The following RAD51B variants were observed in gnomAD, a reference collection of about 807,000 sequenced individuals.
RAD51B encodes DNA repair protein RAD51 homolog 2.
A neutral mutation model predicts 42.2 loss-of-function variants in RAD51B; 38 were observed. That is an observed-to-expected ratio of 0.90 (90% CI 0.70 to 1.18). The LOEUF (loss-of-function observed/expected upper bound fraction) is 1.18. Ranked by LOEUF, RAD51B falls within the 50% of genes most tolerant of loss-of-function variation. RAD51B has a pLI of 0.00. For synonymous variants in RAD51B, 154 were observed against 145.2 expected (o/e 1.06, Z -0.43); for missense variants, 373 against 400.7 (o/e 0.93, Z 0.59).
At chr14:68,230,608 G>A (rs1002704509) in intron 7 of RAD51B, among the ~76,000 whole-genome samples, 2 of 152,114 alleles carry the variant, frequency 1.3e-5, no homozygotes, top group Admixed American at 6.5e-5. Flanking sequence ...ACATTCAAAG[G>A]CAACAGATGT....
intron 10 of RAD51B, among the ~76,000 whole-genome samples, chr14:68,507,306 A>G (rs541530237): frequency 6.6e-6 from 1 of 152,064 alleles, no homozygotes; most frequent in South Asian, 2.1e-4. Context: ...TGGGTTTGAA[A>G]CGCATCTGGC....
At chr14:68,326,751 T>C (rs534891735) in intron 8 of RAD51B, among the ~76,000 whole-genome samples, 79 of 152,340 alleles carry the variant, frequency 5.2e-4, no homozygotes, top group Middle Eastern at 6.8e-3. Context: ...TTACATATTG[T>C]GTCAGCCAGG....
chr14:68,457,307 A>G (rs2085721345), intron 9 of RAD51B, among the ~76,000 whole-genome samples: 1 of 152,190 alleles, frequency 6.6e-6, no homozygotes, highest in Non-Finnish European at 1.5e-5. Context: ...CCCCTAAATA[A>G]GCAATAGTTC....
intron 10 of RAD51B, among the ~76,000 whole-genome samples, chr14:68,586,055 C>T (rs1890453786): frequency 6.6e-6 from 1 of 151,624 alleles, no homozygotes; most frequent in South Asian, 2.1e-4. Context: ...AATCAGTCTT[C>T]CTGCAGCCCT....
At chr14:68,409,354 G>GT (rs1258739055) in intron 8 of RAD51B, among the ~76,000 whole-genome samples, 14 of 152,206 alleles carry the variant, frequency 9.2e-5, no homozygotes, top group Non-Finnish European at 2.1e-4. Flanking sequence ...ATATCTCTTA[G>GT]TGGGGGTGAA....
chr14:67,939,154 T>C (rs2045066454), intron 7 of RAD51B, among the ~76,000 whole-genome samples: 1 of 152,154 alleles, frequency 6.6e-6, no homozygotes, highest in Admixed American at 6.5e-5. Context: ...AAGACAGACA[T>C]ACAGGCAGAT....
intron 7 of RAD51B, among the ~76,000 whole-genome samples, chr14:68,179,519 A>G (rs1164304316): frequency 6.6e-6 from 1 of 152,194 alleles, no homozygotes; most frequent in African/African-American, 2.4e-5. Context: ...GTAGTGTAAC[A>G]TGACTTGTAC....
chr14:68,570,901 A>ACACATG (rs1555427621), intron 10 of RAD51B, among the ~76,000 whole-genome samples: 1,605 of 151,184 alleles, frequency 0.011, 11 homozygotes, highest in Non-Finnish European at 0.017. Context: ...ACACACATGC[A>ACACATG]CACACACACA....
At chr14:68,610,139 T>G (rs4902614) in intron 10 of RAD51B, among the ~76,000 whole-genome samples, 56 of 152,194 alleles carry the variant, frequency 3.7e-4, no homozygotes, top group African/African-American at 1.3e-3. Flanking sequence ...TGAACTGATC[T>G]TCTCCTCCCC....
intron 7 of RAD51B, among the ~76,000 whole-genome samples, chr14:68,272,522 T>C (rs890908680): frequency 6.7e-6 from 1 of 150,262 alleles, no homozygotes; most frequent in African/African-American, 2.5e-5. Flanking sequence ...GAAGATTAAA[T>C]GAGATACTAC....
intron 7 of RAD51B, among the ~76,000 whole-genome samples, chr14:68,118,101 A>G (rs1288352945): frequency 1.3e-5 from 2 of 152,212 alleles, no homozygotes; most frequent in African/African-American, 4.8e-5. Context: ...ATCAACAAGG[A>G]TATTTATTTC....
At chr14:68,192,033 A>AT (rs1247822692) in intron 7 of RAD51B, among the ~76,000 whole-genome samples, 1 of 152,192 alleles carries the variant, frequency 6.6e-6, no homozygotes, top group Non-Finnish European at 1.5e-5. Flanking sequence ...AAATTGCAAC[A>AT]TTACTGACTT....
intron 7 of RAD51B, among the ~76,000 whole-genome samples, chr14:68,189,496 A>G (rs2079221122): frequency 6.6e-6 from 1 of 152,206 alleles, no homozygotes; most frequent in Non-Finnish European, 1.5e-5. Context: ...ATCAGTGACT[A>G]AAAACAAATT....
intron 10 of RAD51B, among the ~76,000 whole-genome samples, chr14:68,544,857 C>T (rs561418376): frequency 1.9e-4 from 29 of 152,156 alleles, no homozygotes; most frequent in Admixed American, 5.9e-4. Flanking sequence ...ACCTATCCAC[C>T]TTCCTCCCAT....
intron 10 of RAD51B, among the ~76,000 whole-genome samples, chr14:68,503,417 T>A (rs1291878528): frequency 6.6e-6 from 1 of 151,856 alleles, no homozygotes. Flanking sequence ...GGAGGAGGCA[T>A]CTCCCTTCCC....
chr14:68,264,462 G>T (rs965018505), intron 7 of RAD51B, among the ~76,000 whole-genome samples: 11 of 152,340 alleles, frequency 7.2e-5, no homozygotes, highest in African/African-American at 2.2e-4. Flanking sequence ...GTTTTGAATG[G>T]CATGGGGTTT....
At position 68,223,259 on chromosome 14, in the gene RAD51B, G is replaced by A. The variant is rs77470962; in HGVS notation, c.757-68625G>A. The stretch of plus-strand genomic sequence containing the variant: ...TCTGGTTTAGGATCTCCTCCAAGAC[G>A]GTTTCTGTCTCATTACTTATTAGCC... On this transcript the variant is annotated intron_variant, in intron 7 of 10. Transcript: ENST00000471583. Among the ~76,000 whole-genome samples, 638 of 152,200 alleles carry A rather than the reference G, an allele frequency of 4.2e-3. 5 individuals carry two copies. The highest frequency in any genetic ancestry group is 0.014 in the African/African-American group (601 of 41,536).
intron 7 of RAD51B, among the ~76,000 whole-genome samples, chr14:68,035,801 G>A (rs1490360941): frequency 1.3e-5 from 2 of 152,090 alleles, no homozygotes; most frequent in Non-Finnish European, 2.9e-5. Flanking sequence ...TTAAATGTCA[G>A]AAGCCAGGCC....
Position 68,565,372 on chromosome 14 carries a change from C to CGAGGA in RAD51B, c.1037-29110_1037-29106dup, listed in dbSNP as rs1889371810. On this transcript the variant is annotated intron_variant, in intron 10 of 10. Coordinates refer to the RAD51B transcript ENST00000487270. The surrounding 1 kb of genome is among the most constrained non-coding windows in gnomAD (Gnocchi z 4.1). ...ACTTAGAGGTGTTTGTTCAATAATGCGAGGAGACTCATTACAACCCTGGGG... is the reference window on the plus strand; with the variant it reads ...ACTTAGAGGTGTTTGTTCAATAATGCGAGGAGAGGAGACTCATTACAACCCTGGGG... Among the ~76,000 whole-genome samples, 3 of 152,142 alleles carry CGAGGA rather than the reference C, an allele frequency of 2.0e-5. No individual in the cohort carries two copies. Among genetic ancestry groups the CGAGGA allele is most frequent in the Admixed American group, 1.3e-4 (2 of 15,278 alleles).
Sources: allele counts gnomAD v4.1 joint callset (sites outside exome capture counted in the v4.1 genomes callset), GRCh38; gene constraint gnomAD v4.1.1; non-coding constraint Gnocchi (gnomAD v3.1); transcripts MANE v1.5; gene names NCBI Gene and HGNC (gene_info 2026-07-23, HGNC 2026-07-21).